The following OR2AT4 variants were observed in gnomAD, a reference collection of about 807,000 sequenced individuals.
OR2AT4 encodes olfactory receptor 2AT4.
In OR2AT4, 6 loss-of-function variants were observed where a neutral mutation model predicts 10.3. The observed-to-expected ratio is 0.58, with a 90% CI of 0.32 to 1.15. The LOEUF is 1.15. Ranked by LOEUF, OR2AT4 falls within the 50% of genes most tolerant of loss-of-function variation. The pLI is 0.05. For missense variants in OR2AT4, 354 were observed against 393.8 expected (o/e 0.90, Z 0.85); for synonymous variants, 145 against 159.1 (o/e 0.91, Z 0.67).
chr11:75,089,252 C>G, exon 2 of OR2AT4: 1 of 1,614,140 alleles, frequency 6.2e-7, no homozygotes. Context: ...GGGCAGTTAG[C>G]CAGGCACTGG....
rs757559581 is a variant in OR2AT4 at position 75,089,338 on chromosome 11, C to G, written c.376G>C (p.Asp126His). The G allele has an allele frequency of 1.9e-6, 3 of 1,614,202 alleles. No individual in the cohort carries two copies. In the South Asian group the frequency reaches 3.3e-5, roughly 18 times the overall value. The change falls in exon 2 of 2, where the codon GAC becomes CAC. Residue 126 changes from aspartate to histidine, a missense_variant. Asp to His is a moderately conservative substitution (Grantham distance 81, BLOSUM62 -1). Transcript: ENST00000641504. Reference sequence around the variant, plus strand: ...GGGTGGCAGATAGCCACATAGCGGTCATAGGCCATGACCACCAGGATGAAG... The same window carrying G: ...GGGTGGCAGATAGCCACATAGCGGTGATAGGCCATGACCACCAGGATGAAG...
At chr11:75,087,596 C>T (rs370015495) in exon 2 of OR2AT4, 11 of 152,236 alleles carry the variant, frequency 7.2e-5, no homozygotes, top group African/African-American at 2.4e-4. Context: ...TCAGAACAGA[C>T]AAACAACAAC....
At chr11:75,088,557 A>T in exon 2 of OR2AT4, 1 of 474,866 alleles carries the variant, frequency 2.1e-6, no homozygotes, top group Non-Finnish European at 3.4e-6. Context: ...CTTTGCTTTT[A>T]AGAATTTTTT....
chr11:75,092,539 C>G (rs888424797), intron 1 of OR2AT4, among the ~76,000 whole-genome samples: 2 of 152,158 alleles, frequency 1.3e-5, no homozygotes, highest in Non-Finnish European at 2.9e-5. Flanking sequence ...TTTCCAGCAA[C>G]CCAGAAAGCT....
exon 2 of OR2AT4, chr11:75,087,983 C>T (rs757570884): frequency 2.0e-5 from 3 of 152,178 alleles, no homozygotes; most frequent in Non-Finnish European, 4.4e-5. Context: ...TACAAAAACA[C>T]TTTTCTGCAG....
exon 2 of OR2AT4, chr11:75,088,510 G>T: frequency 9.1e-6 from 3 of 330,498 alleles, no homozygotes; most frequent in Non-Finnish European, 1.6e-5. Flanking sequence ...ATGAATATTT[G>T]CCTTTCCCTG....
intron 1 of OR2AT4, among the ~76,000 whole-genome samples, chr11:75,093,962 A>G (rs1017299182): frequency 1.3e-5 from 2 of 151,358 alleles, no homozygotes; most frequent in Non-Finnish European, 2.9e-5. Flanking sequence ...AGCTGGGATT[A>G]CAGGCATGTG....
chr11:75,088,837 G>A lies in OR2AT4; in HGVS notation c.877C>T (p.Leu293Phe), dbSNP rs772106051. 6.2e-6 allele frequency: 10 copies of A among 1,612,148 alleles called. No homozygotes were observed. The South Asian group carries it at 9.9e-5, about 16-fold the overall frequency. Residue 293 changes from leucine to phenylalanine, a missense_variant, in exon 2 of 2, where the codon CTC becomes TTC. Physicochemically the swap from Leu to Phe is conservative, Grantham distance 22 (BLOSUM62 0). Coordinates refer to ENST00000641504, the Ensembl canonical transcript of OR2AT4. The stretch of plus-strand genomic sequence containing the variant: ...TCCCTGTTTCTCAGCGTGTAAATGA[G>A]GGGGTTGAGAATTGGTGTGAGAATG...
exon 2 of OR2AT4, chr11:75,088,973 G>A (rs750974991): frequency 2.9e-5 from 47 of 1,614,086 alleles, no homozygotes; most frequent in Non-Finnish European, 3.6e-5. Flanking sequence ...GAAGGTGGGA[G>A]CTGCAGGTGG....
At chr11:75,089,580 A>T (rs1410104599) in exon 2 of OR2AT4, 2 of 1,614,204 alleles carry the variant, frequency 1.2e-6, no homozygotes, top group Admixed American at 1.7e-5. Flanking sequence ...GGCATTACCC[A>T]TCAGGATGAG....
chr11:75,092,315 T>G (rs1274244875), intron 1 of OR2AT4, among the ~76,000 whole-genome samples: 1 of 152,220 alleles, frequency 6.6e-6, no homozygotes, highest in Non-Finnish European at 1.5e-5. Context: ...AACATCTTCT[T>G]AAACTTATGA....
At chr11:75,094,253 C>T (rs899775474) in intron 1 of OR2AT4, among the ~76,000 whole-genome samples, 10 of 151,884 alleles carry the variant, frequency 6.6e-5, no homozygotes, top group Admixed American at 2.6e-4. Context: ...ATTCTTCTAT[C>T]GTCGGTTCCC....
At chr11:75,089,054 A>G in exon 2 of OR2AT4, 1 of 1,614,056 alleles carries the variant, frequency 6.2e-7, no homozygotes, top group East Asian at 2.2e-5. Flanking sequence ...CATAGGAGAG[A>G]AGCACCAGGA....
At chr11:75,087,290 C>T (rs1949295750) in exon 2 of OR2AT4, 1 of 152,126 alleles carries the variant, frequency 6.6e-6, no homozygotes, top group Non-Finnish European at 1.5e-5. Context: ...TATGGGAACT[C>T]TCATACTATC....
intron 1 of OR2AT4, 26 bp downstream of exon 1, chr11:75,096,802 C>G (rs1949350972): frequency 6.5e-6 from 1 of 152,726 alleles, no homozygotes; most frequent in East Asian, 1.9e-4. Context: ...GCTCTGCGCA[C>G]TCCATCCCCA....
At chr11:75,087,669 T>G (rs1345461481) in exon 2 of OR2AT4, 1 of 152,230 alleles carries the variant, frequency 6.6e-6, no homozygotes, top group African/African-American at 2.4e-5. Flanking sequence ...AATACATCCC[T>G]TTTAGGATGT....
chr11:75,085,215 T>A (rs1357542248), exon 2 of OR2AT4: 1 of 151,916 alleles, frequency 6.6e-6, no homozygotes, highest in East Asian at 1.9e-4. Context: ...AAAAGGATAA[T>A]AAGGGAACAG....
intron 1 of OR2AT4, among the ~76,000 whole-genome samples, chr11:75,095,476 CTCTG>C (rs1949342443): frequency 6.6e-6 from 1 of 152,074 alleles, no homozygotes; most frequent in African/African-American, 2.4e-5. Context: ...ACCAGGTTGT[CTCTG>C]TCTATTTATG....
At chr11:75,089,807 G>T in exon 2 of OR2AT4, 1 of 1,260,592 alleles carries the variant, frequency 7.9e-7, no homozygotes, top group Non-Finnish European at 1.1e-6. Context: ...ATTCTGGAGT[G>T]ATAATGCTAT....
Sources: allele counts gnomAD v4.1 joint callset (sites outside exome capture counted in the v4.1 genomes callset), GRCh38; gene constraint gnomAD v4.1.1; transcripts MANE v1.5; gene names NCBI Gene and HGNC (gene_info 2026-07-23, HGNC 2026-07-21).